The following ASPHD2 variants were observed in gnomAD, a reference collection of about 807,000 sequenced individuals.
ASPHD2 encodes aspartate beta-hydroxylase domain-containing protein 2.
In ASPHD2, 12 loss-of-function variants were observed where a neutral mutation model predicts 34.6. That is an observed-to-expected ratio of 0.35 (90% CI 0.22 to 0.56). The LOEUF is 0.56. Ranked by LOEUF, ASPHD2 falls within the 20% of genes least tolerant of loss-of-function variation. ASPHD2 has a pLI of 0.87. For missense variants in ASPHD2, 375 were observed against 505.0 expected (o/e 0.74, Z 2.47); for synonymous variants, 224 against 212.2 (o/e 1.06, Z -0.48).
intron 1 of ASPHD2, among the ~76,000 whole-genome samples, chr22:26,431,881 C>T (rs2084758624): frequency 6.6e-6 from 1 of 152,198 alleles, no homozygotes; most frequent in African/African-American, 2.4e-5. Context: ...GAGATGAACA[C>T]GAACCCCATT....
At chr22:26,432,223 G>A (rs2084761413) in intron 1 of ASPHD2, among the ~76,000 whole-genome samples, 1 of 152,184 alleles carries the variant, frequency 6.6e-6, no homozygotes, top group South Asian at 2.1e-4. Context: ...CTTAGGAAAA[G>A]CGATCTGCCC....
At chr22:26,438,586 C>CACACATATATACAT (rs1568984042) in intron 2 of ASPHD2, among the ~76,000 whole-genome samples, 23 of 127,040 alleles carry the variant, frequency 1.8e-4, no homozygotes, top group Admixed American at 4.8e-4. Flanking sequence ...TATATACATA[C>CACACATATATACAT]ATATATATAC....
intron 2 of ASPHD2, among the ~76,000 whole-genome samples, chr22:26,437,229 C>T (rs1048950413): frequency 2.0e-5 from 3 of 152,334 alleles, no homozygotes; most frequent in East Asian, 1.9e-4. Context: ...TGCTGGTTAC[C>T]TGGCTGAAGG....
chr22:26,434,889 G>A lies in ASPHD2; in HGVS notation c.886+388G>A, dbSNP rs3788399. ...GTGACACATACGGCTAGTGGCTACC[G>A]TATGGGGACAGTGTCGTTCTAGAGC... On this transcript the variant is annotated intron_variant, in intron 2 of 3. Transcript: ENST00000215906. 3.5e-3 allele frequency among the ~76,000 whole-genome samples: 537 copies of A among 152,296 alleles called. 14 individuals are homozygous for A. In the East Asian group the frequency reaches 0.065, roughly 18 times the overall value.
chr22:26,442,031 G>A (rs1455897988), intron 2 of ASPHD2, among the ~76,000 whole-genome samples: 2 of 148,056 alleles, frequency 1.4e-5, no homozygotes, highest in South Asian at 2.2e-4. Flanking sequence ...ATTTGAACCT[G>A]GGAGGTGGAG....
At chr22:26,431,417 GAAA>G (rs3071719) in intron 1 of ASPHD2, among the ~76,000 whole-genome samples, 207 of 136,630 alleles carry the variant, frequency 1.5e-3, no homozygotes, top group Middle Eastern at 7.2e-3. Flanking sequence ...GTGTGGGAAA[GAAA>G]AAAAAAAAAA....
intron 2 of ASPHD2, among the ~76,000 whole-genome samples, chr22:26,434,997 C>T (rs1167454453): frequency 6.6e-6 from 1 of 152,160 alleles, no homozygotes; most frequent in African/African-American, 2.4e-5. Context: ...TTGCAGTCAT[C>T]AAGGATGAAA....
rs1296487876 is a variant in ASPHD2 at position 26,438,600 on chromosome 22, C to CAT, written c.887-3853_887-3852dup. Among the ~76,000 whole-genome samples the CAT allele has an allele frequency of 1.9e-3, 133 of 69,534 alleles. 1 individual carries two copies. The highest frequency in any genetic ancestry group is 2.5e-3 in the African/African-American group (59 of 23,898). The allele number at this position is 69,534 out of a possible 152,430, so 45.6% of individuals were successfully genotyped here. ...ATATATACATACATATATATACACA[C>CAT]ATATATACATATATATATACACACA... On this transcript the variant is annotated intron_variant, in intron 2 of 3. Coordinates refer to ENST00000215906, the MANE Select transcript of ASPHD2 (RefSeq NM_020437.5).
intron 2 of ASPHD2, among the ~76,000 whole-genome samples, chr22:26,438,514 T>TATATAC (rs2084809851): frequency 7.1e-5 from 9 of 127,318 alleles, no homozygotes; most frequent in South Asian, 2.9e-4. Flanking sequence ...TATATATACA[T>TATATAC]ACATATATAT....
At position 26,440,093 on chromosome 22, in the gene ASPHD2, G is replaced by C. The variant is rs570977446; in HGVS notation, c.887-2366G>C. Among the ~76,000 whole-genome samples, 6 of 152,274 alleles carry C rather than the reference G, an allele frequency of 3.9e-5. No homozygotes were observed. In the East Asian group the frequency reaches 1.2e-3, roughly 29 times the overall value. On this transcript the variant is annotated intron_variant, in intron 2 of 3. Coordinates refer to ENST00000215906, the MANE Select transcript of ASPHD2 (RefSeq NM_020437.5). The stretch of plus-strand genomic sequence containing the variant: ...CTTCCAGGACTCTGCTTCCCCCTGG[G>C]TGGGCCTTCCTGAGAGCTGTTGGGC...
chr22:26,438,534 T>TATACATAC (rs1278270134), intron 2 of ASPHD2, among the ~76,000 whole-genome samples: 1 of 145,010 alleles, frequency 6.9e-6, no homozygotes, highest in Non-Finnish European at 1.5e-5. Context: ...TACATACATA[T>TATACATAC]ATACACATAC....
chr22:26,441,592 T>C (rs936644642), intron 2 of ASPHD2, among the ~76,000 whole-genome samples: 4 of 145,804 alleles, frequency 2.7e-5, no homozygotes, highest in African/African-American at 1.0e-4. Context: ...GAGTTCGAGA[T>C]CAGCTTGGCC....
In ASPHD2 at chr22:26,443,395, C is replaced by T; in HGVS notation, c.*189C>T. 1.8e-6 allele frequency: 1 copy of T among 548,738 alleles called. No individual in the cohort carries two copies. The highest frequency in any genetic ancestry group is 3.2e-5 in the East Asian group (1 of 31,498). The allele number at this position is 548,738 out of a possible 1,614,324, so 34.0% of individuals were successfully genotyped here. Reference sequence around the variant, plus strand: ...GTTATTGTAAATGGAAACTTTTCGGCTTGTATTTCCTTAGATTTTTTTTTT... The same window carrying T: ...GTTATTGTAAATGGAAACTTTTCGGTTTGTATTTCCTTAGATTTTTTTTTT... On this transcript the variant is annotated 3_prime_UTR_variant, in exon 4 of 4. Transcript: ENST00000215906.
chr22:26,439,044 A>T (rs1391401215), intron 2 of ASPHD2, among the ~76,000 whole-genome samples: 1 of 152,202 alleles, frequency 6.6e-6, no homozygotes, highest in Non-Finnish European at 1.5e-5. Flanking sequence ...AATACTTTGT[A>T]TCCCTCAATC....
intron 2 of ASPHD2, among the ~76,000 whole-genome samples, chr22:26,438,452 C>CAT (rs1179581270): frequency 2.4e-5 from 3 of 126,530 alleles, no homozygotes; most frequent in Admixed American, 8.3e-5. Context: ...CATATATATA[C>CAT]ATATATATAC....
At chr22:26,438,596 CACACATAT>C (rs879478403) in intron 2 of ASPHD2, among the ~76,000 whole-genome samples, 15,762 of 97,260 alleles carry the variant, frequency 0.16, 2,815 homozygotes, top group South Asian at 0.35. Flanking sequence ...CATATATATA[CACACATAT>C]ATACATATAT....
At chr22:26,443,041 G>A in intron 3 of ASPHD2, 56 bp from the exon 4 acceptor site, 2 of 1,324,870 alleles carry the variant, frequency 1.5e-6, no homozygotes, top group African/African-American at 2.9e-5. Context: ...CCTGGATCCT[G>A]GGTCCTGACT....
intron 2 of ASPHD2, among the ~76,000 whole-genome samples, chr22:26,437,447 C>T (rs1049459745): frequency 3.9e-5 from 6 of 152,162 alleles, no homozygotes; most frequent in Non-Finnish European, 7.3e-5. Flanking sequence ...CACCTAGTCC[C>T]GACTTCATAT....
intron 3 of ASPHD2, 70 bp downstream of exon 3, chr22:26,442,642 G>C: frequency 7.5e-7 from 1 of 1,326,572 alleles, no homozygotes; most frequent in South Asian, 1.4e-5. Flanking sequence ...GAAGTTTTAG[G>C]TTTCCAGAAA....
Sources: gnomAD v4.1 joint callset for allele counts (sites outside exome capture counted in the v4.1 genomes callset) on GRCh38, gnomAD v4.1.1 for gene constraint, MANE v1.5 for transcripts, NCBI Gene and HGNC (gene_info 2026-07-23, HGNC 2026-07-21) for gene names.